The following PDCD10 variants were observed in gnomAD, a reference collection of about 807,000 sequenced individuals.
PDCD10 encodes programmed cell death protein 10.
In PDCD10, 4 loss-of-function variants were observed where a neutral mutation model predicts 29.2. That is an observed-to-expected ratio of 0.14 (90% CI 0.07 to 0.31). PDCD10 has a LOEUF of 0.31. Ranked by LOEUF, PDCD10 falls within the 10% of genes least tolerant of loss-of-function variation. The pLI is 1.00. For missense variants in PDCD10, 183 were observed against 257.9 expected (o/e 0.71, Z 1.99); for synonymous variants, 70 against 82.2 (o/e 0.85, Z 0.80).
At chr3:167,684,671 AC>A (rs1719397629) in intron 8 of PDCD10, among the ~76,000 whole-genome samples, 1 of 152,142 alleles carries the variant, frequency 6.6e-6, no homozygotes, top group Non-Finnish European at 1.5e-5. Context: ...GAACAAGTTA[AC>A]TGGCCAAAAG....
intron 6 of PDCD10, chr3:167,694,300 G>T: frequency 5.2e-6 from 1 of 192,082 alleles, no homozygotes; most frequent in South Asian, 9.6e-5. Flanking sequence ...CCTGGATTAT[G>T]TAAGAAGAGA....
At chr3:167,688,441 C>A (rs1389813430) in intron 6 of PDCD10, among the ~76,000 whole-genome samples, 4 of 152,112 alleles carry the variant, frequency 2.6e-5, no homozygotes, top group Non-Finnish European at 2.9e-5. Context: ...TGCATCATCA[C>A]CTCCCTCCCC....
intron 6 of PDCD10, among the ~76,000 whole-genome samples, chr3:167,689,637 G>A (rs1295575913): frequency 6.6e-6 from 1 of 151,910 alleles, no homozygotes; most frequent in Non-Finnish European, 1.5e-5. Context: ...AGAAAGACCT[G>A]CTGATAAATA....
chr3:167,688,983 T>C (rs1719941443), intron 6 of PDCD10, among the ~76,000 whole-genome samples: 1 of 152,218 alleles, frequency 6.6e-6, no homozygotes, highest in South Asian at 2.1e-4. Flanking sequence ...AAAAGTATTT[T>C]AGAGTACTCT....
chr3:167,708,212 C>A (rs28669756), intron 3 of PDCD10, among the ~76,000 whole-genome samples: 39,699 of 151,132 alleles, frequency 0.26, 5,635 homozygotes, highest in African/African-American at 0.36. Flanking sequence ...TTGCTCTCTC[C>A]AAAAGTATCA....
At chr3:167,688,144 C>T (rs1458207877) in intron 6 of PDCD10, among the ~76,000 whole-genome samples, 1 of 152,124 alleles carries the variant, frequency 6.6e-6, no homozygotes, top group Non-Finnish European at 1.5e-5. Flanking sequence ...TTACATATAA[C>T]TCAATTCTGT....
intron 4 of PDCD10, 43 bp from the exon 5 acceptor site, chr3:167,697,169 T>C: frequency 1.8e-6 from 2 of 1,082,150 alleles, no homozygotes; most frequent in Non-Finnish European, 1.4e-6. Flanking sequence ...AGATAAGGAA[T>C]CAACATTTTA....
chr3:167,699,284 G>C (rs568159588), intron 4 of PDCD10, among the ~76,000 whole-genome samples: 1 of 152,294 alleles, frequency 6.6e-6, no homozygotes, highest in South Asian at 2.1e-4. Context: ...AGCAGTGAAG[G>C]ACAATCCAAT....
At chr3:167,723,150 C>T (rs865900122) in intron 2 of PDCD10, among the ~76,000 whole-genome samples, 7 of 152,184 alleles carry the variant, frequency 4.6e-5, no homozygotes, top group East Asian at 1.9e-4. Flanking sequence ...AATTCCAATA[C>T]GGCTTTTAAA....
chr3:167,713,190 T>A (rs566455087), intron 3 of PDCD10, among the ~76,000 whole-genome samples: 2 of 152,184 alleles, frequency 1.3e-5, no homozygotes, highest in African/African-American at 4.8e-5. Context: ...GATCATATGT[T>A]AGGTCACAAT....
intron 2 of PDCD10, among the ~76,000 whole-genome samples, chr3:167,732,812 G>A (rs1326052786): frequency 2.0e-5 from 3 of 152,180 alleles, no homozygotes; most frequent in Non-Finnish European, 2.9e-5. Flanking sequence ...CTAGAAAACA[G>A]ATTAATATTC....
At chr3:167,727,516 C>G (rs936428990) in intron 2 of PDCD10, among the ~76,000 whole-genome samples, 18 of 152,120 alleles carry the variant, frequency 1.2e-4, no homozygotes, top group African/African-American at 3.9e-4. Context: ...ATGAATAATG[C>G]CTAGTTGAAT....
At chr3:167,698,128 C>T in intron 4 of PDCD10, 1 of 355,462 alleles carries the variant, frequency 2.8e-6, no homozygotes, top group Non-Finnish European at 5.6e-6. Flanking sequence ...CTTCCTATTG[C>T]TCTTTCCATT....
rs73033752 is a variant in PDCD10, at chr3:167,696,488, T to C, written c.268+521A>G. ...AATTCTGGGAAATTATATGTCCATATTTTTCTAAATTAGTGGGAAAACTGC... is the reference window on the plus strand; with the variant it reads ...AATTCTGGGAAATTATATGTCCATACTTTTCTAAATTAGTGGGAAAACTGC... On this transcript the variant is annotated intron_variant, in intron 5 of 8. Transcript: ENST00000392750. 3.7e-3 allele frequency among the ~76,000 whole-genome samples: 566 copies of C among 152,296 alleles called. 1 individual carries two copies. The highest frequency in any genetic ancestry group is 0.013 in the African/African-American group (541 of 41,546).
At chr3:167,688,667 TTTCACAGTCA>T (rs1719906191) in intron 6 of PDCD10, among the ~76,000 whole-genome samples, 1 of 152,294 alleles carries the variant, frequency 6.6e-6, no homozygotes, top group Admixed American at 6.5e-5. Flanking sequence ...AAACCTTCTT[TTTCACAGTCA>T]TTCTCTTAGC....
At chr3:167,696,947 T>C in intron 5 of PDCD10, 62 bp downstream of exon 5, 1 of 868,604 alleles carries the variant, frequency 1.2e-6, no homozygotes, top group Non-Finnish European at 2.0e-6. Flanking sequence ...CAAATAATAA[T>C]GATTTAGAGG....
At chr3:167,722,077 G>A (rs1192308261) in intron 2 of PDCD10, among the ~76,000 whole-genome samples, 5 of 152,016 alleles carry the variant, frequency 3.3e-5, no homozygotes, top group Non-Finnish European at 5.9e-5. Context: ...AAAACCTGGG[G>A]AAAAGGAGGA....
At chr3:167,700,204 A>T (rs750352538) in intron 4 of PDCD10, among the ~76,000 whole-genome samples, 7 of 152,182 alleles carry the variant, frequency 4.6e-5, no homozygotes, top group Non-Finnish European at 8.8e-5. Context: ...AGTATTAGTA[A>T]GTATATGATT....
At chr3:167,707,842 G>A (rs1455365769) in intron 3 of PDCD10, among the ~76,000 whole-genome samples, 1 of 152,126 alleles carries the variant, frequency 6.6e-6, no homozygotes, top group African/African-American at 2.4e-5. Flanking sequence ...AGCACTGCTT[G>A]GGCCTCAGTT....
Sources: allele counts gnomAD v4.1 joint callset (sites outside exome capture counted in the v4.1 genomes callset), GRCh38; gene constraint gnomAD v4.1.1; transcripts MANE v1.5; gene names NCBI Gene and HGNC (gene_info 2026-07-23, HGNC 2026-07-21).